QKI: variants seen among roughly 807,000 people sequenced by gnomAD.
QKI encodes the protein KH domain-containing RNA-binding protein QKI.
Under a neutral mutation model 39.0 loss-of-function variants are expected in QKI, and 10 were observed. That is an observed-to-expected ratio of 0.26 (90% confidence interval 0.16 to 0.43). The LOEUF (loss-of-function observed/expected upper bound fraction) is 0.43, where lower values mean the gene tolerates loss of function less well. Among genes scored for constraint, QKI ranks in the 20% least tolerant of loss-of-function variants. The probability of loss-of-function intolerance (pLI) is 1.00; values close to 1 mark genes in which losing one functional copy is unlikely to be tolerated. For missense variants in QKI, 218 were observed against 428.0 expected (o/e 0.51, Z 4.33); for synonymous variants, 204 against 155.4 (o/e 1.31, Z -2.33).
At chr6:163,501,056 T>C (rs1362954526) in intron 3 of QKI, among the ~76,000 whole-genome samples, 2 of 152,150 alleles carry the variant, frequency 1.3e-5, no homozygotes, top group African/African-American at 4.8e-5. Flanking sequence ...TTGGCAGTAT[T>C]TTTTATTTTG....
intron 4 of QKI, among the ~76,000 whole-genome samples, chr6:163,548,503 C>T (rs1398021130): frequency 6.6e-6 from 1 of 152,096 alleles, no homozygotes; most frequent in Non-Finnish European, 1.5e-5. Context: ...CATACGTAAG[C>T]CTACCCAAAA....
intron 1 of QKI, among the ~76,000 whole-genome samples, chr6:163,427,912 G>A (rs893546677): frequency 6.6e-6 from 1 of 152,174 alleles, no homozygotes; most frequent in African/African-American, 2.4e-5. Flanking sequence ...TAGGTAGAAA[G>A]TAAGTCTTAA....
chr6:163,573,906 T>C lies in QKI; in HGVS notation c.*3196T>C, dbSNP rs1783835335. 2 of 152,192 alleles carry C rather than the reference T, an allele frequency of 1.3e-5. No individual in the cohort carries two copies. Among genetic ancestry groups the C allele is most frequent in the Admixed American group, 1.3e-4 (2 of 15,272 alleles). The allele number at this position is 152,192 out of a possible 1,614,324, so 9.4% of individuals were successfully genotyped here. On this transcript the variant is annotated 3_prime_UTR_variant, in exon 8 of 8. Coordinates refer to ENST00000361752, the MANE Select transcript of QKI (RefSeq NM_006775.3). ...GTTACTGGACTAACCCTGAAGAACGTGACCACAGATAACATAGTGTGACTT... is the reference window on the plus strand; with the variant it reads ...GTTACTGGACTAACCCTGAAGAACGCGACCACAGATAACATAGTGTGACTT...
intron 3 of QKI, among the ~76,000 whole-genome samples, chr6:163,510,677 A>G (rs368680122): frequency 3.3e-5 from 5 of 152,204 alleles, no homozygotes; most frequent in South Asian, 2.1e-4. Context: ...TATTAATATC[A>G]GGTAAAATAG....
intron 3 of QKI, among the ~76,000 whole-genome samples, chr6:163,525,860 GAAAT>G (rs1324071591): frequency 6.6e-6 from 1 of 152,162 alleles, no homozygotes; most frequent in African/African-American, 2.4e-5. Flanking sequence ...TTTTAAATGA[GAAAT>G]AGGTGATTAT....
chr6:163,485,769 T>C (rs1777630182), intron 3 of QKI, among the ~76,000 whole-genome samples: 1 of 152,172 alleles, frequency 6.6e-6, no homozygotes, highest in Non-Finnish European at 1.5e-5. Flanking sequence ...AGTTCTTTGC[T>C]CAAAATGAAG....
rs1313874482 is a variant in QKI, at chr6:163,565,709, CATG to C, written c.935-1009_935-1007del. 86 of 1,190,104 alleles carry C rather than the reference CATG, an allele frequency of 7.2e-5. 1 individual carries two copies. The highest frequency in any genetic ancestry group is 6.1e-4 in the Admixed American group (16 of 26,126). 73.7% of individuals were successfully genotyped at this position (1,190,104 alleles called of 1,614,324 possible). On this transcript the variant is annotated intron_variant, in intron 6 of 7. Coordinates refer to ENST00000361752, the MANE Select transcript of QKI (RefSeq NM_006775.3). ...TTGCTTTGCCACCTAAGCAGTAAAACATGATATTGACCACTTGGAGAACTCAGA... is the reference window on the plus strand; with the variant it reads ...TTGCTTTGCCACCTAAGCAGTAAAACATATTGACCACTTGGAGAACTCAGA...
intron 7 of QKI, chr6:163,568,754 T>C: frequency 1.0e-6 from 1 of 985,252 alleles, no homozygotes; most frequent in Non-Finnish European, 1.2e-6. Context: ...TACTACATGG[T>C]TGACCAATAT....
intron 2 of QKI, among the ~76,000 whole-genome samples, chr6:163,463,255 G>T (rs1583032004): frequency 6.6e-6 from 1 of 152,298 alleles, no homozygotes; most frequent in Non-Finnish European, 1.5e-5. Flanking sequence ...TGTATTAAGT[G>T]TCTGAACTCT....
chr6:163,435,232 C>G (rs2128212561), intron 1 of QKI, among the ~76,000 whole-genome samples: 1 of 152,304 alleles, frequency 6.6e-6, no homozygotes, highest in South Asian at 2.1e-4. Context: ...AGGCTGCTAC[C>G]TCAGGTTGAA....
chr6:163,455,972 G>GCCCT (rs962590874), intron 2 of QKI, among the ~76,000 whole-genome samples: 1 of 152,078 alleles, frequency 6.6e-6, no homozygotes, highest in Non-Finnish European at 1.5e-5. Flanking sequence ...TTGTTACAAA[G>GCCCT]CCCTATATGA....
chr6:163,553,654 T>G (rs538173690), intron 4 of QKI, among the ~76,000 whole-genome samples: 1 of 152,310 alleles, frequency 6.6e-6, no homozygotes, highest in African/African-American at 2.4e-5. Flanking sequence ...CTATTACTAT[T>G]AATAAAATCA....
intron 3 of QKI, among the ~76,000 whole-genome samples, chr6:163,496,580 A>G (rs986150202): frequency 1.3e-5 from 2 of 152,124 alleles, no homozygotes; most frequent in African/African-American, 4.8e-5. Flanking sequence ...ATAATCTTCT[A>G]GCATATTTTA....
At chr6:163,519,401 T>C (rs1021464943) in intron 3 of QKI, among the ~76,000 whole-genome samples, 1 of 152,060 alleles carries the variant, frequency 6.6e-6, no homozygotes, top group Non-Finnish European at 1.5e-5. Context: ...GTGCCAGATT[T>C]CCTGTGGGCC....
chr6:163,532,299 T>G (rs1414196183), intron 3 of QKI, among the ~76,000 whole-genome samples: 1 of 152,352 alleles, frequency 6.6e-6, no homozygotes, highest in Admixed American at 6.5e-5. Flanking sequence ...GAGCTTTTAA[T>G]GTCTTTGTCT....
chr6:163,462,136 C>T (rs185379619), intron 2 of QKI, among the ~76,000 whole-genome samples: 46 of 152,148 alleles, frequency 3.0e-4, no homozygotes, highest in African/African-American at 9.4e-4. Flanking sequence ...TTTGTTTTAT[C>T]TTAGAGACAA....
At chr6:163,456,571 G>T (rs1790932733) in intron 2 of QKI, among the ~76,000 whole-genome samples, 1 of 152,128 alleles carries the variant, frequency 6.6e-6, no homozygotes, top group Non-Finnish European at 1.5e-5. Flanking sequence ...GATGAGAAAT[G>T]TCTTAAGTTG....
chr6:163,433,802 C>G (rs1789028669), intron 1 of QKI, among the ~76,000 whole-genome samples: 1 of 151,998 alleles, frequency 6.6e-6, no homozygotes, highest in Non-Finnish European at 1.5e-5. Flanking sequence ...AGGTAGCATG[C>G]CTTGCACTTT....
intron 1 of QKI, among the ~76,000 whole-genome samples, chr6:163,416,810 C>T (rs941322591): frequency 6.6e-6 from 1 of 151,910 alleles, no homozygotes; most frequent in Non-Finnish European, 1.5e-5. Flanking sequence ...CTGTTAATTT[C>T]AAGTTGCTCC....
Sources: allele counts gnomAD v4.1 joint callset (sites outside exome capture counted in the v4.1 genomes callset), GRCh38; gene constraint gnomAD v4.1.1; transcripts MANE v1.5; gene names NCBI Gene and HGNC (gene_info 2026-07-23, HGNC 2026-07-21).